The following PTPRD variants were observed in gnomAD, a reference collection of about 807,000 sequenced individuals.
PTPRD encodes the protein protein tyrosine phosphatase receptor type D.
Under a neutral mutation model 214.5 loss-of-function variants are expected in PTPRD, and 34 were observed. The ratio of observed to expected loss-of-function variants is 0.16; its 90% CI spans 0.12 to 0.21. The LOEUF (loss-of-function observed/expected upper bound fraction) is 0.21. PTPRD is among the 10% of genes least tolerant of loss of function. PTPRD has a pLI of 1.00. For missense variants in PTPRD, 2,545 were observed against 2,398.7 expected, an observed-to-expected ratio of 1.06 and a Z score of -1.27; for synonymous variants, 1,128 against 845.7, an observed-to-expected ratio of 1.33 and a Z score of -5.79.
At chr9:9,462,118 G>C (rs1331985146) in intron 8 of PTPRD, among the ~76,000 whole-genome samples, 2 of 152,076 alleles carry the variant, frequency 1.3e-5, no homozygotes, top group Non-Finnish European at 2.9e-5. Flanking sequence ...TCTGCAAATA[G>C]TCGACTCACA....
At chr9:9,965,705 TGTAAGTGTTGG>T (rs1287647785) in intron 4 of PTPRD, among the ~76,000 whole-genome samples, 1 of 152,196 alleles carries the variant, frequency 6.6e-6, no homozygotes, top group African/African-American at 2.4e-5. Flanking sequence ...AAATTTTGGC[TGTAAGTGTTGG>T]GTAAGTGTTG....
At chr9:10,519,092 C>A (rs534576167) in intron 2 of PTPRD, among the ~76,000 whole-genome samples, 1 of 151,376 alleles carries the variant, frequency 6.6e-6, no homozygotes, top group South Asian at 2.1e-4. Flanking sequence ...CATTGTCAGA[C>A]GAGAAACTTG....
intron 7 of PTPRD, among the ~76,000 whole-genome samples, chr9:9,598,279 G>A: frequency 6.6e-6 from 1 of 151,900 alleles, no homozygotes; most frequent in East Asian, 1.9e-4. Context: ...TCACCCCCTT[G>A]GACAAGATGC....
chr9:8,373,655 G>C (rs886510756), intron 39 of PTPRD, among the ~76,000 whole-genome samples: 1 of 115,782 alleles, frequency 8.6e-6, no homozygotes, highest in African/African-American at 3.3e-5. Context: ...GTGTGTGTGT[G>C]TATTTTCTCA....
At chr9:9,619,400 C>T (rs1244796159) in intron 7 of PTPRD, among the ~76,000 whole-genome samples, 2 of 151,474 alleles carry the variant, frequency 1.3e-5, no homozygotes, top group Non-Finnish European at 2.9e-5. Flanking sequence ...AACTTTGACA[C>T]TGATCCAACC....
chr9:8,613,815 C>T (rs1283955259), intron 14 of PTPRD, among the ~76,000 whole-genome samples: 8 of 152,158 alleles, frequency 5.3e-5, no homozygotes, highest in South Asian at 2.1e-4. Context: ...TTTTCTTACA[C>T]CCTGAGGGAC....
intron 5 of PTPRD, among the ~76,000 whole-genome samples, chr9:9,864,457 C>A (rs1382037198): frequency 6.6e-6 from 1 of 152,040 alleles, no homozygotes; most frequent in Admixed American, 6.5e-5. Context: ...AAAGTATGAT[C>A]AGAAATACAG....
At chr9:10,143,832 T>C (rs928687092) in intron 3 of PTPRD, among the ~76,000 whole-genome samples, 2 of 152,018 alleles carry the variant, frequency 1.3e-5, no homozygotes, top group South Asian at 4.1e-4. Context: ...ATTTTCTCAC[T>C]TGTAGGTGGG....
At chr9:10,123,908 T>A (rs1243845083) in intron 3 of PTPRD, among the ~76,000 whole-genome samples, 1 of 152,170 alleles carries the variant, frequency 6.6e-6, no homozygotes, top group Non-Finnish European at 1.5e-5. Flanking sequence ...TGAATGTTTG[T>A]GGACTTAATG....
chr9:8,945,016 C>T (rs1186291109), intron 11 of PTPRD, among the ~76,000 whole-genome samples: 1 of 151,830 alleles, frequency 6.6e-6, no homozygotes, highest in Non-Finnish European at 1.5e-5. Context: ...TTATGTCCCC[C>T]ATAAACATAT....
intron 39 of PTPRD, among the ~76,000 whole-genome samples, chr9:8,359,735 T>G (rs890800534): frequency 6.6e-6 from 1 of 152,198 alleles, no homozygotes; most frequent in Non-Finnish European, 1.5e-5. Context: ...GTGGAGAGAC[T>G]CAGGAACAGA....
At chr9:9,191,836 T>C (rs2099935380) in intron 9 of PTPRD, among the ~76,000 whole-genome samples, 1 of 152,094 alleles carries the variant, frequency 6.6e-6, no homozygotes, top group South Asian at 2.1e-4. Context: ...AAACATATAC[T>C]ATTAATAGTA....
At chr9:9,863,161 G>C (rs1422378968) in intron 5 of PTPRD, among the ~76,000 whole-genome samples, 1 of 152,146 alleles carries the variant, frequency 6.6e-6, no homozygotes, top group Non-Finnish European at 1.5e-5. Context: ...CACTTGAAAA[G>C]CTGACAACAG....
chr9:8,505,333 G>A (rs1345422405), intron 22 of PTPRD, among the ~76,000 whole-genome samples: 1 of 152,080 alleles, frequency 6.6e-6, no homozygotes, highest in Non-Finnish European at 1.5e-5. Flanking sequence ...CAGTTAAGAA[G>A]AATTCAAGGC....
intron 3 of PTPRD, among the ~76,000 whole-genome samples, chr9:10,053,002 CTAATG>C (rs2097561703): frequency 6.6e-6 from 1 of 152,056 alleles, no homozygotes; most frequent in African/African-American, 2.4e-5. Flanking sequence ...AAGTGGCATT[CTAATG>C]TAAGATGTGC....
intron 8 of PTPRD, among the ~76,000 whole-genome samples, chr9:9,510,511 A>T (rs1371967234): frequency 2.6e-5 from 4 of 151,648 alleles, no homozygotes; most frequent in African/African-American, 9.7e-5. Flanking sequence ...TATACTGGTA[A>T]TATCTGTCAC....
chr9:9,663,902 A>C (rs919422880), intron 7 of PTPRD, among the ~76,000 whole-genome samples: 3 of 151,514 alleles, frequency 2.0e-5, no homozygotes, highest in African/African-American at 7.2e-5. Flanking sequence ...CTAGTGTGGT[A>C]GCTGGATTTG....
At chr9:9,893,177 A>C (rs889744002) in intron 5 of PTPRD, among the ~76,000 whole-genome samples, 2 of 152,102 alleles carry the variant, frequency 1.3e-5, no homozygotes, top group African/African-American at 2.4e-5. Context: ...TGCACACACT[A>C]AAGTACACAG....
At chr9:9,459,187 A>G (rs1372184302) in intron 8 of PTPRD, among the ~76,000 whole-genome samples, 1 of 152,034 alleles carries the variant, frequency 6.6e-6, no homozygotes, top group Non-Finnish European at 1.5e-5. Flanking sequence ...ACTACAGCAA[A>G]GCAGTATTTG....
Sources: allele counts gnomAD v4.1 joint callset (sites outside exome capture counted in the v4.1 genomes callset), GRCh38; gene constraint gnomAD v4.1.1; transcripts MANE v1.5; gene names NCBI Gene and HGNC (gene_info 2026-07-23, HGNC 2026-07-21).